The following RBM33 variants were observed in gnomAD, a reference collection of about 807,000 sequenced individuals.
RBM33 encodes RNA binding motif protein 33.
A neutral mutation model predicts 132.6 loss-of-function variants in RBM33; 28 were observed. The ratio of observed to expected loss-of-function variants is 0.21; its 90% CI spans 0.16 to 0.29. The LOEUF is 0.29. Ranked by LOEUF, RBM33 falls within the 10% of genes least tolerant of loss-of-function variation. RBM33 has a pLI of 1.00. For missense variants in RBM33, 1,291 were observed against 1,518.5 expected (o/e 0.85, Z 2.49); for synonymous variants, 634 against 593.0 (o/e 1.07, Z -1.01).
At chr7:155,742,229 C>CT (rs35396377) in intron 13 of RBM33, 123 bp downstream of exon 13, 31,101 of 688,404 alleles carry the variant, frequency 0.045, 30 homozygotes, top group Middle Eastern at 0.065. Flanking sequence ...TCACCTGGGT[C>CT]TTTTTTTTTT....
At chr7:155,765,429 C>T (rs573974095) in intron 15 of RBM33, among the ~76,000 whole-genome samples, 52 of 152,306 alleles carry the variant, frequency 3.4e-4, no homozygotes, top group African/African-American at 1.2e-3. Context: ...CATAGTTTTG[C>T]TGCCTTCTTC....
intron 9 of RBM33, among the ~76,000 whole-genome samples, chr7:155,734,688 C>T (rs894944184): frequency 1.1e-4 from 17 of 152,152 alleles, no homozygotes; most frequent in Admixed American, 9.8e-4. Context: ...AAACCCCTCC[C>T]GTGTGCCTCC....
intron 1 of RBM33, among the ~76,000 whole-genome samples, chr7:155,662,409 C>T (rs942859013): frequency 6.6e-6 from 1 of 152,176 alleles, no homozygotes; most frequent in South Asian, 2.1e-4. Context: ...TCCCAGTTAG[C>T]TCTCACCAGA....
rs1802541352 is a variant in RBM33 at position 155,774,555 on chromosome 7, C to G, written c.3376-4C>G. On this transcript the variant is annotated splice_region_variant and splice_polypyrimidine_tract_variant and intron_variant, in intron 16 of 17. Coordinates refer to ENST00000401878, the MANE Select transcript of RBM33 (RefSeq NM_053043.3). The surrounding 1 kb of genome is among the most constrained non-coding windows in gnomAD (Gnocchi z 4.2). ...ATCTTAAAGTGTTTGTTTTCTTCCT[C>G]TAGAGTTTACAGATGCTTCCTCAGC... 1 of 1,609,504 alleles carries G rather than the reference C, an allele frequency of 6.2e-7. No individual in the cohort carries two copies. Among genetic ancestry groups the G allele is most frequent in the South Asian group, 1.1e-5 (1 of 90,988 alleles).
Position 155,777,626 on chromosome 7 carries a change from A to C in RBM33, c.*2585A>C, listed in dbSNP as rs1802665714. On this transcript the variant is annotated 3_prime_UTR_variant, in exon 18 of 18. Coordinates refer to ENST00000401878, the MANE Select transcript of RBM33 (RefSeq NM_053043.3). ...TGTTCTTGAGTTCATCATGCATTTA[A>C]AATGAGATGCAAGAGCATTTAGCAT... The C allele has an allele frequency of 6.6e-6, 1 of 152,668 alleles. No homozygotes were observed. The highest frequency in any genetic ancestry group is 1.5e-5 in the Non-Finnish European group (1 of 68,046). The allele number at this position is 152,668 out of a possible 1,614,324, so 9.5% of individuals were successfully genotyped here.
intron 5 of RBM33, among the ~76,000 whole-genome samples, chr7:155,691,876 C>T (rs776234098): frequency 6.6e-6 from 1 of 151,814 alleles, no homozygotes; most frequent in Non-Finnish European, 1.5e-5. Context: ...ATGGCAAAGC[C>T]CCATCTCTAC....
intron 1 of RBM33, among the ~76,000 whole-genome samples, chr7:155,664,461 G>A (rs950023799): frequency 6.6e-6 from 1 of 151,822 alleles, no homozygotes; most frequent in East Asian, 1.9e-4. Flanking sequence ...AGTAGAGGTG[G>A]GGCTTTGCTA....
chr7:155,697,733 C>G (rs1392376965), intron 5 of RBM33, among the ~76,000 whole-genome samples: 3 of 152,140 alleles, frequency 2.0e-5, no homozygotes, highest in African/African-American at 4.8e-5. Flanking sequence ...ATATACAAGT[C>G]TGAGTATTTT....
Position 155,745,695 on chromosome 7 carries a change from A to C in RBM33, c.2979+93A>C. The C allele has an allele frequency of 3.2e-6, 4 of 1,242,774 alleles. No homozygotes were observed. Among genetic ancestry groups the C allele is most frequent in the Non-Finnish European group, 4.4e-6 (4 of 909,912 alleles). The allele number at this position is 1,242,774 out of a possible 1,614,324, so 77.0% of individuals were successfully genotyped here. ...AGAATGTTTTTGAAGAAAGAATTAA[A>C]AGTTACCTCTGTTATAGTCTTGTAA... On this transcript the variant is annotated intron_variant, in intron 14 of 17. Coordinates refer to ENST00000401878, the MANE Select transcript of RBM33 (RefSeq NM_053043.3). This position sits in a 1 kb window ranked among gnomAD's most constrained non-coding sequence, Gnocchi z 4.1.
At position 155,774,501 on chromosome 7, in the gene RBM33, T is replaced by A. The variant is rs1802540397; in HGVS notation, c.3376-58T>A. On this transcript the variant is annotated intron_variant, in intron 16 of 17. Transcript: ENST00000401878. The surrounding 1 kb of genome is among the most constrained non-coding windows in gnomAD (Gnocchi z 4.2). ...AACTAATAATGCTTAAATATATATA[T>A]TCATATTTTTTATTGTCATTTACAA... 8.2e-7 allele frequency: 1 copy of A among 1,215,966 alleles called. No homozygotes were observed. The highest frequency in any genetic ancestry group is 1.2e-5 in the South Asian group (1 of 81,536). The allele number at this position is 1,215,966 out of a possible 1,614,324, so 75.3% of individuals were successfully genotyped here.
intron 2 of RBM33, among the ~76,000 whole-genome samples, chr7:155,667,284 G>A (rs1798825222): frequency 6.6e-6 from 1 of 152,102 alleles, no homozygotes; most frequent in South Asian, 2.1e-4. Context: ...GAGACAGGGT[G>A]TTTCTCTGTC....
chr7:155,682,507 C>G (rs1236350574), intron 5 of RBM33, among the ~76,000 whole-genome samples: 1 of 152,108 alleles, frequency 6.6e-6, no homozygotes, highest in African/African-American at 2.4e-5. Flanking sequence ...CTAGTTATTG[C>G]CTAGTTAGAG....
chr7:155,764,086 G>T, intron 15 of RBM33, 68 bp downstream of exon 15: 1 of 1,258,390 alleles, frequency 7.9e-7, no homozygotes, highest in South Asian at 1.6e-5. Context: ...GTTCAGACGT[G>T]CTCTAATTTG....
chr7:155,663,044 G>A (rs1272301562), intron 1 of RBM33, among the ~76,000 whole-genome samples: 1 of 152,132 alleles, frequency 6.6e-6, no homozygotes, highest in African/African-American at 2.4e-5. Flanking sequence ...TATGTCCTTA[G>A]AATTATTCTT....
At chr7:155,659,297 A>G (rs977178304) in intron 1 of RBM33, among the ~76,000 whole-genome samples, 1 of 152,220 alleles carries the variant, frequency 6.6e-6, no homozygotes, top group Non-Finnish European at 1.5e-5. Flanking sequence ...TACTAGACAG[A>G]TGCTTTAACC....
chr7:155,696,367 A>C (rs180912104), intron 5 of RBM33, among the ~76,000 whole-genome samples: 1 of 152,356 alleles, frequency 6.6e-6, no homozygotes, highest in African/African-American at 2.4e-5. Flanking sequence ...TTGCCTGTTA[A>C]TAATGACAGT....
intron 9 of RBM33, among the ~76,000 whole-genome samples, chr7:155,734,327 ACT>A (rs1300613510): frequency 2.6e-5 from 4 of 151,952 alleles, no homozygotes; most frequent in African/African-American, 9.7e-5. Flanking sequence ...CCCCATCCAA[ACT>A]CTTACCTAGG....
chr7:155,715,198 A>G (rs1182796641), intron 8 of RBM33, among the ~76,000 whole-genome samples: 1 of 152,156 alleles, frequency 6.6e-6, no homozygotes, highest in Admixed American at 6.5e-5. Context: ...GCATACTTGA[A>G]TGGGGAAGGG....
At chr7:155,711,035 C>G (rs1382455168) in intron 7 of RBM33, 168 bp from the exon 8 acceptor site, 1 of 922,556 alleles carries the variant, frequency 1.1e-6, no homozygotes, top group East Asian at 3.3e-5. Flanking sequence ...CTTTATCCTG[C>G]TGTTTTGATA....
Sources: allele counts gnomAD v4.1 joint callset (sites outside exome capture counted in the v4.1 genomes callset), GRCh38; gene constraint gnomAD v4.1.1; non-coding constraint Gnocchi (gnomAD v3.1); transcripts MANE v1.5; gene names NCBI Gene and HGNC (gene_info 2026-07-23, HGNC 2026-07-21).